The following DNMT1 variants were observed in gnomAD, a reference collection of about 807,000 sequenced individuals.
DNMT1 encodes DNA (cytosine-5)-methyltransferase 1.
A neutral mutation model predicts 205.3 loss-of-function variants in DNMT1; 24 were observed. That is an observed-to-expected ratio of 0.12 (90% CI 0.08 to 0.16). The LOEUF (loss-of-function observed/expected upper bound fraction) is 0.16, where lower values mean the gene tolerates loss of function less well. Ranked by LOEUF, DNMT1 falls within the 10% of genes least tolerant of loss-of-function variation. The pLI is 1.00. For missense variants in DNMT1, 1,293 were observed against 2,177.7 expected (o/e 0.59, Z 8.09); for synonymous variants, 817 against 839.8 (o/e 0.97, Z 0.47).
intron 1 of DNMT1, among the ~76,000 whole-genome samples, chr19:10,191,364 T>TA (rs548166248): frequency 0.14 from 18,531 of 129,244 alleles, 1,330 homozygotes; most frequent in Middle Eastern, 0.26. Flanking sequence ...TTTCAAAATG[T>TA]AAAAAAAAAA....
chr19:10,180,524 A>G lies in DNMT1; in HGVS notation c.271T>C (p.Ser91Pro). The G allele has an allele frequency of 6.2e-7, 1 of 1,614,128 alleles. No homozygotes were observed. The highest frequency in any genetic ancestry group is 8.5e-7 in the Non-Finnish European group (1 of 1,180,034). The change falls in exon 4 of 41, where the codon TCC (serine) becomes CCC (proline). Residue 91 changes from serine (S) to proline (P), a missense_variant. This residue lies in a region of DNMT1 where 394 missense variants were observed against 451.6 expected (regional missense o/e 0.87). Transcript: ENST00000359526. ...TAAGCATGAGCACCGTTCTCCAAGGACAAATCTTTATTTAAAAGGGATTTG... is the reference window on the plus strand; with the variant it reads ...TAAGCATGAGCACCGTTCTCCAAGGGCAAATCTTTATTTAAAAGGGATTTG... ...KVKSLLNKDL[S>P]LENGAHAYNR...
Position 10,154,570 on chromosome 19 carries a change from C to T in DNMT1, c.1832+16G>A. The T allele has an allele frequency of 6.2e-7, 1 of 1,613,866 alleles. No homozygotes were observed. Among genetic ancestry groups the T allele is most frequent in the Non-Finnish European group, 8.5e-7 (1 of 1,179,872 alleles). On this transcript the variant is annotated intron_variant, in intron 21 of 40. Transcript: ENST00000359526. This position sits in a 1 kb window ranked among gnomAD's most constrained non-coding sequence, Gnocchi z 6.3. Reference sequence around the variant, plus strand: ...CCGGTCTCCAGTCTTCACTCTGGTCCCTGCCGCATCCTTACCTCTGTCCCA... The same window carrying T: ...CCGGTCTCCAGTCTTCACTCTGGTCTCTGCCGCATCCTTACCTCTGTCCCA...
intron 1 of DNMT1, among the ~76,000 whole-genome samples, chr19:10,188,221 C>T (rs910944241): frequency 5.3e-5 from 8 of 152,148 alleles, no homozygotes; most frequent in African/African-American, 1.9e-4. Context: ...AGCAGGGCTG[C>T]CCAAGAAGGC....
Position 10,134,520 on chromosome 19 carries a change from A to C in DNMT1, c.4774-213T>G, listed in dbSNP as rs966077619. ...CCCATCATCCCGCCCCACAGCCACA[A>C]GTCACTGGGCCTTTGAAGAGCTTCA... On this transcript the variant is annotated intron_variant, in intron 39 of 40. Transcript: ENST00000359526. Among the ~76,000 whole-genome samples the C allele has an allele frequency of 3.9e-5, 6 of 152,244 alleles. No homozygotes were observed. The South Asian group carries it at 8.3e-4, about 21-fold the overall frequency.
Position 10,138,745 on chromosome 19 carries a change from C to T in DNMT1, c.3949-140G>A. ...TGCACTTGCAGAAATCCCCAGTTAC[C>T]TCAGCAGGCGTGCTCCTGGTCAGAG... On this transcript the variant is annotated intron_variant, in intron 34 of 40. Transcript: ENST00000359526. The surrounding 1 kb of genome is among the most constrained non-coding windows in gnomAD (Gnocchi z 4.1). 8.7e-7 allele frequency: 1 copy of T among 1,143,166 alleles called. No homozygotes were observed. Among genetic ancestry groups the T allele is most frequent in the Non-Finnish European group, 1.2e-6 (1 of 814,544 alleles). 70.8% of individuals were successfully genotyped at this position (1,143,166 alleles called of 1,614,324 possible).
rs146467216 is a variant in DNMT1, at chr19:10,154,325, C to A, written c.1987G>T (p.Ala663Ser). The A allele has an allele frequency of 6.2e-7, 1 of 1,614,232 alleles. No individual in the cohort carries two copies. The highest frequency in any genetic ancestry group is 8.5e-7 in the Non-Finnish European group (1 of 1,180,040). The change falls in exon 22 of 41, where the codon GCC becomes TCC. Residue 663 changes from alanine to serine, a missense_variant. By Grantham distance (99) the Ala-to-Ser change is moderately conservative. Coordinates refer to ENST00000359526, the MANE Select transcript of DNMT1 (RefSeq NM_001130823.3). The surrounding 1 kb of genome is among the most constrained non-coding windows in gnomAD (Gnocchi z 6.3). ...ACGCCACATCGCCGGCGCTTAAAGGCGTTCTCCTTGTCTTCTCTGTCATCC... is the reference window on the plus strand; with the variant it reads ...ACGCCACATCGCCGGCGCTTAAAGGAGTTCTCCTTGTCTTCTCTGTCATCC... ...EKDDREDKEN[A>S]FKRRRCGVCE...
At position 10,137,824 on chromosome 19, in the gene DNMT1, G is replaced by A. The variant is rs1048439128; in HGVS notation, c.4293+8C>T. The A allele has an allele frequency of 1.7e-5, 27 of 1,612,296 alleles. No individual in the cohort carries two copies. Among genetic ancestry groups the A allele is most frequent in the Non-Finnish European group, 2.3e-5 (27 of 1,179,550 alleles). On this transcript the variant is annotated splice_region_variant and intron_variant, in intron 36 of 40. Coordinates refer to ENST00000359526, the MANE Select transcript of DNMT1 (RefSeq NM_001130823.3). The surrounding 1 kb of genome is among the most constrained non-coding windows in gnomAD (Gnocchi z 6.4). ...CGAGGAGGAGCCGCTCTGTCAGGGT[G>A]CCATTACCTTACAGATGTGGTCCCT...
At chr19:10,176,167 CAA>C (rs34858632) in intron 6 of DNMT1, among the ~76,000 whole-genome samples, 6 of 134,604 alleles carry the variant, frequency 4.5e-5, no homozygotes, top group Admixed American at 7.7e-5. Context: ...GACTCCGTAT[CAA>C]AAAAAAAAAA....
Position 10,180,428 on chromosome 19 carries a change from C to G in DNMT1, c.367G>C (p.Ala123Pro). ...GGTTTGGGGGGGCTGTTGGCATCTG[C>G]CATTCCCACTCTACGGGCTTCACTT... is the stretch of plus-strand genomic sequence containing the variant. Reference protein sequence around the residue: ...ARSEARRVGMADANSPPKPLS... With the variant: ...ARSEARRVGMPDANSPPKPLS... The change falls in exon 4 of 41, where the codon GCA becomes CCA. Residue 123 changes from alanine (A) to proline (P), a missense_variant. By Grantham distance (27) the Ala-to-Pro change is conservative. This residue lies in a region of DNMT1 where 394 missense variants were observed against 451.6 expected (regional missense o/e 0.87). Coordinates refer to ENST00000359526, the MANE Select transcript of DNMT1 (RefSeq NM_001130823.3). The G allele has an allele frequency of 6.2e-7, 1 of 1,614,108 alleles. No homozygotes were observed. The highest frequency in any genetic ancestry group is 1.3e-5 in the African/African-American group (1 of 75,028).
chr19:10,135,078 A>G (rs2089447063), intron 39 of DNMT1, among the ~76,000 whole-genome samples: 1 of 151,344 alleles, frequency 6.6e-6, no homozygotes, highest in African/African-American at 2.4e-5. Context: ...CGGGTGTGGT[A>G]GCACATGACT....
Position 10,173,192 on chromosome 19 carries a change from A to G in DNMT1, c.684-18T>C. ...TAGCAACTCTGTCAAGCAAAATAACACAGACCCCAAGTGTGAGTGCCAGGA... is the reference window on the plus strand; with the variant it reads ...TAGCAACTCTGTCAAGCAAAATAACGCAGACCCCAAGTGTGAGTGCCAGGA... On this transcript the variant is annotated intron_variant, in intron 8 of 40. Coordinates refer to ENST00000359526, the MANE Select transcript of DNMT1 (RefSeq NM_001130823.3). 1 of 1,614,086 alleles carries G rather than the reference A, an allele frequency of 6.2e-7. No individual in the cohort carries two copies. The highest frequency in any genetic ancestry group is 8.5e-7 in the Non-Finnish European group (1 of 1,179,956).
chr19:10,192,104 G>T (rs935151450), intron 1 of DNMT1, among the ~76,000 whole-genome samples: 2 of 151,824 alleles, frequency 1.3e-5, no homozygotes, highest in East Asian at 3.9e-4. Flanking sequence ...GATTACAGAC[G>T]TGAGCCACCG....
In DNMT1 at chr19:10,140,158, C is replaced by T. The variant is rs1353293786; in HGVS notation, c.3694G>A (p.Asp1232Asn). The change falls in exon 33 of 41, where the codon GAC becomes AAC. Residue 1232 changes from aspartate to asparagine, a missense_variant. By Grantham distance (23) the Asp-to-Asn change is conservative (BLOSUM62 1). Around this residue, in one of 13 missense-constraint regions of DNMT1, gnomAD observed 24 missense variants for 27.2 expected, o/e 0.88. Coordinates refer to ENST00000359526, the MANE Select transcript of DNMT1 (RefSeq NM_001130823.3). The surrounding 1 kb of genome is among the most constrained non-coding windows in gnomAD (Gnocchi z 8.4). Reference protein sequence around the residue: ...SRGQRLPQKGDVEMLCGGPPC... With the variant: ...SRGQRLPQKGNVEMLCGGPPC... ...GGCCCGCCGCACAGCATCTCCACGT[C>T]TCCCTTCTGGGGCAGCCGCTGGCCG... The T allele has an allele frequency of 2.5e-6, 4 of 1,613,914 alleles. No homozygotes were observed. Among genetic ancestry groups the T allele is most frequent in the Middle Eastern group, 1.7e-4 (1 of 6,060 alleles).
chr19:10,181,233 G>T lies in DNMT1; in HGVS notation c.118-348C>A, dbSNP rs182096672. 2.0e-5 allele frequency among the ~76,000 whole-genome samples: 3 copies of T among 152,096 alleles called. No individual in the cohort carries two copies. In the East Asian group the frequency reaches 5.8e-4, roughly 29 times the overall value. On this transcript the variant is annotated intron_variant, in intron 2 of 40. Transcript: ENST00000359526. Reference sequence around the variant, plus strand: ...GGCCGAGGCAAGTGGATTGCTTTGAGCCCCAGAGTTCAAGACCAGCCTGGG... The same window carrying T: ...GGCCGAGGCAAGTGGATTGCTTTGATCCCCAGAGTTCAAGACCAGCCTGGG...
At chr19:10,174,916 G>A (rs879304153) in intron 7 of DNMT1, among the ~76,000 whole-genome samples, 12 of 150,382 alleles carry the variant, frequency 8.0e-5, no homozygotes, top group Non-Finnish European at 1.6e-4. Context: ...TTAGCCGGGC[G>A]TGGTGGCACG....
intron 2 of DNMT1, among the ~76,000 whole-genome samples, chr19:10,181,448 C>T (rs933564563): frequency 2.6e-4 from 39 of 150,920 alleles, no homozygotes; most frequent in Non-Finnish European, 5.9e-5. Flanking sequence ...GACCCTATCT[C>T]AAAACAATAA....
intron 9 of DNMT1, among the ~76,000 whole-genome samples, chr19:10,170,102 C>T (rs998653150): frequency 1.3e-5 from 2 of 150,734 alleles, no homozygotes; most frequent in African/African-American, 2.4e-5. Flanking sequence ...CTGGCCAACA[C>T]GGCAAAACCC....
rs1599335888 is a variant in DNMT1, at chr19:10,133,782, A to G, written c.4865-81T>C. 4 of 1,441,666 alleles carry G rather than the reference A, an allele frequency of 2.8e-6. No homozygotes were observed. The East Asian group carries it at 9.9e-5, about 36-fold the overall frequency. The allele number at this position is 1,441,666 out of a possible 1,614,324, so 89.3% of individuals were successfully genotyped here. On this transcript the variant is annotated intron_variant, in intron 40 of 40. Transcript: ENST00000359526. The surrounding 1 kb of genome is among the most constrained non-coding windows in gnomAD (Gnocchi z 4.1). ...CTTGACAGGCGAGTAACAGACATGG[A>G]CCATCAGGAAACATTAACGTACTGA... is the stretch of plus-strand genomic sequence containing the variant.
Position 10,166,622 on chromosome 19 carries a change from G to A in DNMT1, c.867C>T (p.Asp289=), listed in dbSNP as rs750916721. 3.2e-5 allele frequency: 52 copies of A among 1,614,008 alleles called. No individual in the cohort carries two copies. Among genetic ancestry groups the A allele is most frequent in the African/African-American group, 5.3e-5 (4 of 74,910 alleles). The change falls in exon 11 of 41, where the codon GAC becomes GAT. Residue 289 remains aspartate, a synonymous_variant. Coordinates refer to ENST00000359526, the MANE Select transcript of DNMT1 (RefSeq NM_001130823.3). ...DREARAGVQA[D]EDEDGDEKDE... ...CTTTCTCGTCTCCATCTTCGTCCTC[G>A]TCAGCCTGCACGCCTGCCCTGGCTT...
Sources: allele counts gnomAD v4.1 joint callset (sites outside exome capture counted in the v4.1 genomes callset), GRCh38; gene constraint gnomAD v4.1.1; regional missense constraint gnomAD v4.1.1; non-coding constraint Gnocchi (gnomAD v3.1); transcripts MANE v1.5; gene names NCBI Gene and HGNC (gene_info 2026-07-23, HGNC 2026-07-21).